CCBE1: variants seen among roughly 807,000 people sequenced by gnomAD.
The protein encoded by CCBE1 is collagen and calcium binding EGF domains 1, also known as collagen and calcium-binding EGF domain-containing protein 1.
A neutral mutation model predicts 50.0 loss-of-function variants in CCBE1; 37 were observed. The observed-to-expected ratio is 0.74, with a 90% confidence interval of 0.57 to 0.97. CCBE1 has a LOEUF of 0.97. CCBE1 is among the 50% of genes least tolerant of loss of function. The probability of loss-of-function intolerance (pLI) is 0.00; values close to 1 mark genes in which losing one functional copy is unlikely to be tolerated. For synonymous variants in CCBE1, 234 were observed against 203.7 expected, an observed-to-expected ratio of 1.15 and a Z score of -1.27; for missense variants, 538 against 523.8, an observed-to-expected ratio of 1.03 and a Z score of -0.26.
intron 2 of CCBE1, among the ~76,000 whole-genome samples, chr18:59,591,954 A>G (rs2851845): frequency 0.017 from 2,637 of 152,292 alleles, 86 homozygotes; most frequent in African/African-American, 0.061. Context: ...AAAATCTAAA[A>G]CTTTGAGCAT....
intron 2 of CCBE1, among the ~76,000 whole-genome samples, chr18:59,530,930 T>A (rs1915024306): frequency 6.6e-6 from 1 of 151,272 alleles, no homozygotes; most frequent in Non-Finnish European, 1.5e-5. Context: ...ATTTATGATG[T>A]TTTTTCAAAT....
chr18:59,468,704 T>A (rs1911873558), intron 4 of CCBE1, among the ~76,000 whole-genome samples: 1 of 152,216 alleles, frequency 6.6e-6, no homozygotes, highest in Admixed American at 6.5e-5. Context: ...TACCTGCTAG[T>A]CTCTGGCAGT....
chr18:59,518,883 G>A (rs754589024), intron 2 of CCBE1, among the ~76,000 whole-genome samples: 5 of 152,158 alleles, frequency 3.3e-5, no homozygotes, highest in African/African-American at 4.8e-5. Context: ...GAACAGCCCT[G>A]AACCAATGAC....
chr18:59,614,051 T>C (rs9676200), intron 2 of CCBE1, among the ~76,000 whole-genome samples: 52,716 of 151,822 alleles, frequency 0.35, 9,623 homozygotes, highest in East Asian at 0.62. Flanking sequence ...CTCTGCACTG[T>C]CTGGAGTGCA....
chr18:59,641,707 T>C (rs1312411017), intron 2 of CCBE1, among the ~76,000 whole-genome samples: 2 of 152,196 alleles, frequency 1.3e-5, no homozygotes, highest in African/African-American at 2.4e-5. Flanking sequence ...TCAGAATAGC[T>C]TGATATTGGT....
chr18:59,530,620 A>T (rs961873121), intron 2 of CCBE1, among the ~76,000 whole-genome samples: 48 of 152,160 alleles, frequency 3.2e-4, no homozygotes, highest in Admixed American at 2.7e-3. Flanking sequence ...TATGATCCCA[A>T]CTGTTCTGAA....
intron 9 of CCBE1, 141 bp downstream of exon 9, chr18:59,439,402 G>A (rs539850169): frequency 2.0e-6 from 2 of 1,021,086 alleles, no homozygotes; most frequent in African/African-American, 1.6e-5. Flanking sequence ...GAGAGGCAGA[G>A]GCTGTAATGA....
intron 2 of CCBE1, among the ~76,000 whole-genome samples, chr18:59,502,165 G>C (rs1416693345): frequency 6.6e-6 from 1 of 152,074 alleles, no homozygotes; most frequent in African/African-American, 2.4e-5. Flanking sequence ...CTTGGGGTCT[G>C]AGCATGTCCT....
chr18:59,491,405 A>G (rs990389406), intron 2 of CCBE1, among the ~76,000 whole-genome samples: 4 of 152,170 alleles, frequency 2.6e-5, no homozygotes, highest in African/African-American at 7.2e-5. Context: ...TAAGCTGCAA[A>G]TGTGGGCATT....
intron 3 of CCBE1, among the ~76,000 whole-genome samples, chr18:59,479,491 A>G (rs544614535): frequency 4.7e-4 from 72 of 152,366 alleles, no homozygotes; most frequent in African/African-American, 1.6e-3. Flanking sequence ...TATCAAGCAT[A>G]TAATAAGAAA....
chr18:59,571,322 T>G (rs1300547846), intron 2 of CCBE1, among the ~76,000 whole-genome samples: 1 of 152,142 alleles, frequency 6.6e-6, no homozygotes, highest in Non-Finnish European at 1.5e-5. Flanking sequence ...TTCATGTCCT[T>G]TGTAGGGACA....
At chr18:59,542,713 G>C (rs970730023) in intron 2 of CCBE1, among the ~76,000 whole-genome samples, 2 of 152,214 alleles carry the variant, frequency 1.3e-5, no homozygotes, top group African/African-American at 4.8e-5. Flanking sequence ...GTACGGGACT[G>C]AGGGTGCTTT....
At chr18:59,636,124 G>C (rs963275333) in intron 2 of CCBE1, among the ~76,000 whole-genome samples, 2 of 152,056 alleles carry the variant, frequency 1.3e-5, no homozygotes, top group African/African-American at 4.8e-5. Context: ...ACACACTCCA[G>C]CCTGGGCGAC....
intron 2 of CCBE1, among the ~76,000 whole-genome samples, chr18:59,632,899 G>A (rs901563564): frequency 4.6e-5 from 7 of 152,118 alleles, no homozygotes; most frequent in South Asian, 4.1e-4. Flanking sequence ...GTGAGCCACC[G>A]CGCCTGGCGA....
intron 2 of CCBE1, among the ~76,000 whole-genome samples, chr18:59,658,372 T>A (rs1599109362): frequency 2.0e-4 from 1 of 4,914 alleles, no homozygotes; most frequent in Non-Finnish European, 3.2e-4. Context: ...TATATATATA[T>A]ATATATATAT....
intron 6 of CCBE1, among the ~76,000 whole-genome samples, chr18:59,454,526 G>A (rs997621280): frequency 2.0e-5 from 3 of 152,168 alleles, no homozygotes; most frequent in Non-Finnish European, 1.5e-5. Context: ...GATTACAGGC[G>A]TGAGTCACCG....
intron 2 of CCBE1, among the ~76,000 whole-genome samples, chr18:59,640,450 C>A (rs2053971948): frequency 6.6e-6 from 1 of 152,080 alleles, no homozygotes. Context: ...TGAAATTGGA[C>A]CCCTTCATTA....
intron 2 of CCBE1, among the ~76,000 whole-genome samples, chr18:59,622,659 G>A (rs11663748): frequency 6.6e-6 from 1 of 151,496 alleles, no homozygotes; most frequent in Admixed American, 6.6e-5. Flanking sequence ...AATGTAGCTG[G>A]GCGTGGTGGC....
intron 2 of CCBE1, among the ~76,000 whole-genome samples, chr18:59,581,501 G>C (rs2053083789): frequency 6.6e-6 from 1 of 151,338 alleles, no homozygotes; most frequent in Non-Finnish European, 1.5e-5. Context: ...CTATGCCCAA[G>C]GGTAACTAAC....
Sources: gnomAD v4.1 joint callset for allele counts (sites outside exome capture counted in the v4.1 genomes callset) on GRCh38, gnomAD v4.1.1 for gene constraint, MANE v1.5 for transcripts, NCBI Gene and HGNC (gene_info 2026-07-23, HGNC 2026-07-21) for gene names.